The following RCOR1 variants were observed in gnomAD, a reference collection of about 807,000 sequenced individuals.
RCOR1 encodes REST corepressor 1, also known as REST corepressor.
A neutral mutation model predicts 64.0 loss-of-function variants in RCOR1; 12 were observed. The observed-to-expected ratio is 0.19, with a 90% CI of 0.12 to 0.30. RCOR1 has a LOEUF of 0.30. Ranked by LOEUF, RCOR1 falls within the 10% of genes least tolerant of loss-of-function variation. RCOR1 has a pLI of 1.00. For missense variants in RCOR1, 502 were observed against 621.2 expected (o/e 0.81, Z 2.04); for synonymous variants, 279 against 227.2 (o/e 1.23, Z -2.05).
chr14:102,603,749 T>C (rs1893450058), intron 2 of RCOR1, among the ~76,000 whole-genome samples: 1 of 152,052 alleles, frequency 6.6e-6, no homozygotes, highest in Non-Finnish European at 1.5e-5. Flanking sequence ...GCTTCCGAGG[T>C]AGCTGGGACT....
chr14:102,703,722 T>C (rs1044332629), intron 4 of RCOR1, among the ~76,000 whole-genome samples: 58 of 152,248 alleles, frequency 3.8e-4, no homozygotes, highest in Middle Eastern at 3.4e-3. Context: ...CCATGGTCTA[T>C]AAATTGGACA....
At chr14:102,598,923 G>A (rs576872632) in intron 2 of RCOR1, among the ~76,000 whole-genome samples, 3 of 151,896 alleles carry the variant, frequency 2.0e-5, no homozygotes, top group African/African-American at 7.2e-5. Flanking sequence ...TTTTAACTTA[G>A]GCTTTGTTCT....
intron 3 of RCOR1, among the ~76,000 whole-genome samples, 163 bp downstream of exon 3, chr14:102,682,141 A>T (rs964520221): frequency 2.0e-5 from 3 of 151,884 alleles, no homozygotes; most frequent in Non-Finnish European, 2.9e-5. Context: ...AAAATTTTTT[A>T]TTTTTTGAGA....
intron 5 of RCOR1, among the ~76,000 whole-genome samples, chr14:102,707,967 C>CT (rs35272192): frequency 0.055 from 7,043 of 127,230 alleles, 296 homozygotes; most frequent in Non-Finnish European, 0.077. Flanking sequence ...TTTTTTGTAT[C>CT]TTTTTTTTTT....
chr14:102,640,007 G>A (rs1342859252), intron 2 of RCOR1, among the ~76,000 whole-genome samples: 1 of 152,116 alleles, frequency 6.6e-6, no homozygotes, highest in African/African-American at 2.4e-5. Flanking sequence ...CACCACACCC[G>A]GCTAATTTTG....
intron 2 of RCOR1, among the ~76,000 whole-genome samples, chr14:102,660,102 C>A (rs1286741298): frequency 6.6e-6 from 1 of 152,090 alleles, no homozygotes; most frequent in Admixed American, 6.5e-5. Context: ...ATGAGAAAGC[C>A]CTGTTTGAAA....
At chr14:102,711,677 C>G (rs1409078321) in intron 7 of RCOR1, among the ~76,000 whole-genome samples, 2 of 152,112 alleles carry the variant, frequency 1.3e-5, no homozygotes, top group Non-Finnish European at 2.9e-5. Context: ...AGAGAGTTCT[C>G]TCTCTCTGCT....
chr14:102,658,644 C>T (rs138118383), intron 2 of RCOR1: 11,635 of 984,724 alleles, frequency 0.012, 91 homozygotes, highest in Admixed American at 0.016. Flanking sequence ...GTTCCTCTTA[C>T]ATCACCAAGG....
chr14:102,647,778 A>G (rs753866695), intron 2 of RCOR1, among the ~76,000 whole-genome samples: 1 of 152,212 alleles, frequency 6.6e-6, no homozygotes, highest in Non-Finnish European at 1.5e-5. Flanking sequence ...TCCCGGATTC[A>G]GGGAGTTATC....
chr14:102,649,007 G>A (rs546502790), intron 2 of RCOR1, among the ~76,000 whole-genome samples: 1 of 151,304 alleles, frequency 6.6e-6, no homozygotes, highest in East Asian at 2.0e-4. Context: ...TACACATGTA[G>A]TAGAAGTTTG....
In RCOR1 at chr14:102,726,491, T is replaced by C. The variant is rs1192685768; in HGVS notation, c.1443T>C (p.Tyr481=). 3.1e-6 allele frequency: 5 copies of C among 1,602,804 alleles called. No individual in the cohort carries two copies. The highest frequency in any genetic ancestry group is 4.5e-5 in the East Asian group (2 of 44,826). Residue 481 remains tyrosine (Y), a synonymous_variant, in exon 12 of 12, where the codon TAT becomes TAC. Transcript: ENST00000262241. ...EDEAPVLDVR[Y]ASAS Reference sequence around the variant, plus strand: ...AGGCTCCTGTTCTGGATGTCAGATATGCATCTGCCTCCTGAGAAACTGGTG... The same window carrying C: ...AGGCTCCTGTTCTGGATGTCAGATACGCATCTGCCTCCTGAGAAACTGGTG...
At chr14:102,723,323 C>G (rs1353922374) in intron 11 of RCOR1, among the ~76,000 whole-genome samples, 1 of 152,214 alleles carries the variant, frequency 6.6e-6, no homozygotes, top group African/African-American at 2.4e-5. Flanking sequence ...CAGAAGGCCC[C>G]TCCTGACCTG....
intron 2 of RCOR1, among the ~76,000 whole-genome samples, chr14:102,597,315 A>C (rs1484227688): frequency 6.6e-6 from 1 of 151,844 alleles, no homozygotes; most frequent in African/African-American, 2.4e-5. Context: ...AGATGCATGA[A>C]TGGAGGAATT....
chr14:102,593,595 A>C (rs1893180192), intron 2 of RCOR1, among the ~76,000 whole-genome samples: 1 of 152,146 alleles, frequency 6.6e-6, no homozygotes, highest in Non-Finnish European at 1.5e-5. Flanking sequence ...GTGGCGTCGG[A>C]GGTGGCCACA....
intron 2 of RCOR1, among the ~76,000 whole-genome samples, chr14:102,646,345 G>GTC (rs1258515059): frequency 1.3e-5 from 2 of 152,156 alleles, no homozygotes; most frequent in African/African-American, 4.8e-5. Context: ...AGCCATAACA[G>GTC]TCTAACACAG....
chr14:102,598,418 C>A (rs1484076685), intron 2 of RCOR1, among the ~76,000 whole-genome samples: 1 of 151,196 alleles, frequency 6.6e-6, no homozygotes, highest in East Asian at 1.9e-4. Context: ...GTGGATAGAG[C>A]ACGTTAGTCT....
chr14:102,640,145 A>G (rs941065595), intron 2 of RCOR1, among the ~76,000 whole-genome samples: 6 of 151,694 alleles, frequency 4.0e-5, no homozygotes, highest in East Asian at 3.9e-4. Context: ...ACACCCAGCC[A>G]TATATATATG....
At chr14:102,689,984 T>C (rs2139968441) in intron 3 of RCOR1, among the ~76,000 whole-genome samples, 1 of 152,230 alleles carries the variant, frequency 6.6e-6, no homozygotes, top group Non-Finnish European at 1.5e-5. Context: ...ACCTTGGGAT[T>C]TGCCTGCCTC....
At chr14:102,685,157 T>C (rs1201152631) in intron 3 of RCOR1, among the ~76,000 whole-genome samples, 1 of 152,074 alleles carries the variant, frequency 6.6e-6, no homozygotes, top group African/African-American at 2.4e-5. Flanking sequence ...TAAAGTTATG[T>C]TGTAATTATA....
Sources: gnomAD v4.1 joint callset for allele counts (sites outside exome capture counted in the v4.1 genomes callset) on GRCh38, gnomAD v4.1.1 for gene constraint, MANE v1.5 for transcripts, NCBI Gene and HGNC (gene_info 2026-07-23, HGNC 2026-07-21) for gene names.